The following PTPRM variants were observed in gnomAD, a reference collection of about 807,000 sequenced individuals.
PTPRM encodes receptor-type tyrosine-protein phosphatase mu.
PTPRM carries 47 observed loss-of-function variants against 186.7 expected under a neutral mutation model. The observed-to-expected ratio is 0.25, with a 90% CI of 0.20 to 0.32. The LOEUF (loss-of-function observed/expected upper bound fraction) is 0.32. Ranked by LOEUF, PTPRM falls within the 10% of genes least tolerant of loss-of-function variation. The pLI is 1.00. For missense variants in PTPRM, 1,494 were observed against 1,865.0 expected (o/e 0.80, Z 3.66); for synonymous variants, 668 against 674.9 (o/e 0.99, Z 0.16).
chr18:8,373,578 C>T (rs906712591), intron 24 of PTPRM, among the ~76,000 whole-genome samples: 1 of 152,150 alleles, frequency 6.6e-6, no homozygotes, highest in Admixed American at 6.5e-5. Context: ...CCAGGAGCTG[C>T]CTAGGATTCA....
intron 2 of PTPRM, among the ~76,000 whole-genome samples, chr18:7,861,670 C>T (rs150235939): frequency 2.1e-3 from 314 of 152,138 alleles, no homozygotes; most frequent in Middle Eastern, 0.01. Context: ...AGGCACAACT[C>T]GGCACACAGG....
chr18:8,156,846 G>A (rs550257705), intron 14 of PTPRM, among the ~76,000 whole-genome samples: 119 of 148,224 alleles, frequency 8.0e-4, no homozygotes, highest in Non-Finnish European at 1.5e-3. Flanking sequence ...TGCTTTTTTC[G>A]TATCCTCCTT....
At chr18:8,402,453 G>T (rs2095877154) in intron 32 of PTPRM, among the ~76,000 whole-genome samples, 1 of 152,202 alleles carries the variant, frequency 6.6e-6, no homozygotes, top group Non-Finnish European at 1.5e-5. Context: ...CTGTGTTGTG[G>T]CCTGAGGGCA....
At chr18:7,750,976 G>GC (rs1352767298) in intron 1 of PTPRM, 4 of 110,856 alleles carry the variant, frequency 3.6e-5, no homozygotes, top group African/African-American at 1.3e-4. Flanking sequence ...ATTCCACATA[G>GC]CCCCCCTCCC....
chr18:7,607,754 C>T lies in PTPRM; in HGVS notation c.73+39863C>T, dbSNP rs557779664. ...ATGTCACTTTCCTAAAATAAGTGTC[C>T]TGGATGCCGTAGGCAAGCCACTCAT... On this transcript the variant is annotated intron_variant, in intron 1 of 32. Coordinates refer to ENST00000580170, the MANE Select transcript of PTPRM (RefSeq NM_001105244.2). 7.2e-5 allele frequency among the ~76,000 whole-genome samples: 11 copies of T among 152,342 alleles called. No homozygotes were observed. In the East Asian group the frequency reaches 1.9e-3, roughly 27 times the overall value.
chr18:7,870,856 G>C (rs9966090), intron 2 of PTPRM, among the ~76,000 whole-genome samples: 12,173 of 152,174 alleles, frequency 0.08, 624 homozygotes, highest in African/African-American at 0.15. Context: ...AAACACTTTA[G>C]AAAAGAACCG....
intron 13 of PTPRM, among the ~76,000 whole-genome samples, chr18:8,120,796 GCT>G: frequency 6.6e-6 from 1 of 152,170 alleles, no homozygotes; most frequent in East Asian, 1.9e-4. Flanking sequence ...CACCTGGCCT[GCT>G]CTGTTTTTCT....
chr18:8,200,624 G>A (rs1475770270), intron 14 of PTPRM, among the ~76,000 whole-genome samples: 2 of 152,174 alleles, frequency 1.3e-5, no homozygotes, highest in Admixed American at 6.5e-5. Flanking sequence ...TAGTTCCAGC[G>A]GCGACAACAC....
intron 14 of PTPRM, among the ~76,000 whole-genome samples, chr18:8,228,725 C>A (rs918876207): frequency 6.6e-6 from 1 of 151,032 alleles, no homozygotes; most frequent in South Asian, 2.1e-4. Context: ...TGGTGGCATA[C>A]GCCTGTAGTC....
chr18:8,252,032 A>C (rs141252058), intron 17 of PTPRM, among the ~76,000 whole-genome samples: 205 of 152,330 alleles, frequency 1.3e-3, no homozygotes, highest in African/African-American at 4.7e-3. Context: ...ATTTCCCTGC[A>C]TAAGACATTT....
rs2144852904 is a variant in PTPRM at position 7,768,315 on chromosome 18, ATCTCG to A, written c.74-5829_74-5825del. ...AGTTCAGAATCAGCAACATAGGGAG[ATCTCG>A]TCTCTATCAAAGGAAAAAAAAATTT... On this transcript the variant is annotated intron_variant, in intron 1 of 32. Coordinates refer to ENST00000580170, the MANE Select transcript of PTPRM (RefSeq NM_001105244.2). Among the ~76,000 whole-genome samples the A allele has an allele frequency of 2.0e-5, 3 of 152,020 alleles. No individual in the cohort carries two copies. In the East Asian group the frequency reaches 5.8e-4, roughly 30 times the overall value.
chr18:8,197,369 C>G (rs955164155), intron 14 of PTPRM, among the ~76,000 whole-genome samples: 11 of 152,134 alleles, frequency 7.2e-5, no homozygotes, highest in African/African-American at 2.7e-4. Context: ...CTATTACATA[C>G]AAATTTCAAT....
rs1265134257 is a variant in PTPRM at position 7,972,228 on chromosome 18, G to A, written c.1132+16814G>A. Among the ~76,000 whole-genome samples the A allele has an allele frequency of 1.1e-3, 152 of 133,254 alleles. 1 individual carries two copies. In the East Asian group the frequency reaches 0.025, roughly 22 times the overall value. 87.4% of individuals were successfully genotyped at this position (133,254 alleles called of 152,430 possible). ...TCGCAAGAAGAAAAAACCAAACACC[G>A]CATATTCTCACGCATAGGTGGGAAT... On this transcript the variant is annotated intron_variant, in intron 7 of 32. Transcript: ENST00000580170.
intron 19 of PTPRM, among the ~76,000 whole-genome samples, chr18:8,267,450 A>G (rs536103789): frequency 1.3e-5 from 2 of 152,300 alleles, no homozygotes; most frequent in Non-Finnish European, 2.9e-5. Flanking sequence ...CATTAAAAAA[A>G]TCACCTATAA....
intron 2 of PTPRM, among the ~76,000 whole-genome samples, chr18:7,792,821 C>A (rs2043409536): frequency 2.0e-5 from 3 of 151,906 alleles, no homozygotes; most frequent in African/African-American, 4.8e-5. Flanking sequence ...CACAACACTA[C>A]ACCTGGCTAA....
At chr18:8,122,380 T>G (rs1173704585) in intron 13 of PTPRM, 1 of 152,622 alleles carries the variant, frequency 6.6e-6, no homozygotes, top group Non-Finnish European at 1.5e-5. Context: ...TCAGCTCTGT[T>G]TCCCCTCTAC....
At chr18:8,385,299 A>G (rs1723480584) in intron 30 of PTPRM, among the ~76,000 whole-genome samples, 1 of 152,270 alleles carries the variant, frequency 6.6e-6, no homozygotes, top group African/African-American at 2.4e-5. Flanking sequence ...TTGGTCAAGC[A>G]AAGAATTATT....
intron 1 of PTPRM, among the ~76,000 whole-genome samples, chr18:7,624,140 G>A (rs1409714069): frequency 1.3e-5 from 2 of 152,182 alleles, no homozygotes; most frequent in East Asian, 3.8e-4. Flanking sequence ...CTGAAGCAAA[G>A]TGATTTGCCT....
intron 3 of PTPRM, among the ~76,000 whole-genome samples, chr18:7,900,803 A>G (rs988144883): frequency 6.6e-6 from 1 of 152,246 alleles, no homozygotes; most frequent in Non-Finnish European, 1.5e-5. Flanking sequence ...TAGATAATAT[A>G]TGCAAAGGAT....
Sources: gnomAD v4.1 joint callset for allele counts (sites outside exome capture counted in the v4.1 genomes callset) on GRCh38, gnomAD v4.1.1 for gene constraint, MANE v1.5 for transcripts, NCBI Gene and HGNC (gene_info 2026-07-23, HGNC 2026-07-21) for gene names.